The following DAB1 variants were observed in gnomAD, a reference collection of about 807,000 sequenced individuals.
DAB1 encodes DAB adaptor protein 1, also known as disabled homolog 1.
DAB1 carries 15 observed loss-of-function variants against 64.6 expected under a neutral mutation model. The ratio of observed to expected loss-of-function variants is 0.23; its 90% CI spans 0.16 to 0.36. The LOEUF (loss-of-function observed/expected upper bound fraction) is 0.36. DAB1 is among the 10% of genes least tolerant of loss of function. DAB1 has a pLI of 1.00. For synonymous variants in DAB1, 235 were observed against 251.9 expected (o/e 0.93, Z 0.64); for missense variants, 596 against 706.7 (o/e 0.84, Z 1.78).
intron 4 of DAB1, among the ~76,000 whole-genome samples, chr1:58,162,645 T>C (rs2100751769): frequency 6.6e-6 from 1 of 152,330 alleles, no homozygotes; most frequent in East Asian, 1.9e-4. Context: ...TGTTTTATTT[T>C]TCAATTATTC....
chr1:57,161,046 A>C (rs1569664043), intron 2 of DAB1, among the ~76,000 whole-genome samples: 1 of 152,274 alleles, frequency 6.6e-6, no homozygotes, highest in South Asian at 2.1e-4. Context: ...GTTCTGATTC[A>C]GAGGACATTC....
chr1:57,567,203 A>ATGTTG (rs1645133700), intron 7 of DAB1, among the ~76,000 whole-genome samples: 2 of 152,326 alleles, frequency 1.3e-5, no homozygotes, highest in Admixed American at 1.3e-4. Context: ...AGATGCAGAA[A>ATGTTG]AGGCCTTTGA....
At chr1:58,349,003 G>A (rs543050223) in intron 3 of DAB1, among the ~76,000 whole-genome samples, 1 of 152,308 alleles carries the variant, frequency 6.6e-6, no homozygotes, top group South Asian at 2.1e-4. Flanking sequence ...CTTTGAGAGA[G>A]AAGAGTGTCT....
intron 1 of DAB1, among the ~76,000 whole-genome samples, chr1:57,308,863 C>G (rs910170790): frequency 2.6e-5 from 4 of 152,132 alleles, no homozygotes; most frequent in African/African-American, 9.6e-5. Context: ...TGTAACCAAG[C>G]TAAGATCAAA....
chr1:57,137,381 T>C (rs976272829), intron 3 of DAB1, among the ~76,000 whole-genome samples: 1 of 152,212 alleles, frequency 6.6e-6, no homozygotes, highest in African/African-American at 2.4e-5. Context: ...CTTAGGACAG[T>C]CCGTGGAGGG....
intron 6 of DAB1, among the ~76,000 whole-genome samples, chr1:57,653,200 T>G (rs770453364): frequency 6.6e-6 from 1 of 152,190 alleles, no homozygotes; most frequent in African/African-American, 2.4e-5. Flanking sequence ...AACCCTCCCA[T>G]GAATTTCTTC....
intron 4 of DAB1, among the ~76,000 whole-genome samples, chr1:58,249,857 C>A (rs1465588801): frequency 6.6e-6 from 1 of 152,178 alleles, no homozygotes. Flanking sequence ...CGGCTCTGTG[C>A]GGCGGCCCTC....
intron 7 of DAB1, among the ~76,000 whole-genome samples, chr1:57,601,991 C>A (rs1028560382): frequency 2.0e-5 from 3 of 152,094 alleles, no homozygotes; most frequent in African/African-American, 7.2e-5. Context: ...TACAGAAATG[C>A]TCTGAGGTGT....
intron 7 of DAB1, among the ~76,000 whole-genome samples, chr1:57,446,127 G>A (rs1047566499): frequency 6.6e-6 from 1 of 152,072 alleles, no homozygotes; most frequent in African/African-American, 2.4e-5. Flanking sequence ...AATTTAATAA[G>A]CATTTATTCC....
intron 7 of DAB1, among the ~76,000 whole-genome samples, chr1:57,489,253 A>G (rs1644132122): frequency 6.6e-6 from 1 of 152,218 alleles, no homozygotes; most frequent in South Asian, 2.1e-4. Context: ...TGCAAAATAA[A>G]CAAAGAAACC....
chr1:57,125,376 A>G (rs1380259846), intron 4 of DAB1, among the ~76,000 whole-genome samples: 1 of 152,206 alleles, frequency 6.6e-6, no homozygotes, highest in African/African-American at 2.4e-5. Flanking sequence ...CTGTAATATT[A>G]GTGTAGTGCT....
At chr1:57,665,440 T>C (rs1248900851) in intron 6 of DAB1, among the ~76,000 whole-genome samples, 1 of 152,136 alleles carries the variant, frequency 6.6e-6, no homozygotes, top group Non-Finnish European at 1.5e-5. Flanking sequence ...ATAAGCAATG[T>C]GTATCAACAG....
intron 4 of DAB1, among the ~76,000 whole-genome samples, chr1:58,310,010 A>G (rs115490419): frequency 0.013 from 1,945 of 152,294 alleles, 46 homozygotes; most frequent in African/African-American, 0.041. Flanking sequence ...TTCAAAAATA[A>G]TGTGCTTTTT....
At chr1:58,131,717 G>A (rs1234699359) in intron 5 of DAB1, among the ~76,000 whole-genome samples, 278 of 142,530 alleles carry the variant, frequency 2.0e-3, no homozygotes, top group Non-Finnish European at 3.4e-3. Flanking sequence ...GTACCCTGCC[G>A]TGTGAGGTGT....
intron 3 of DAB1, among the ~76,000 whole-genome samples, chr1:58,375,325 G>A (rs1644313135): frequency 7.1e-6 from 1 of 140,946 alleles, no homozygotes. Flanking sequence ...GTTTGTCATA[G>A]ATAGCTCTTA....
chr1:57,538,383 G>A (rs1418819812), intron 7 of DAB1, among the ~76,000 whole-genome samples: 1 of 152,014 alleles, frequency 6.6e-6, no homozygotes, highest in African/African-American at 2.4e-5. Context: ...ATCCTGTAAG[G>A]CCTTCTACTT....
intron 1 of DAB1, among the ~76,000 whole-genome samples, chr1:57,384,736 G>A (rs1681666144): frequency 1.3e-5 from 2 of 152,078 alleles, no homozygotes; most frequent in African/African-American, 4.8e-5. Context: ...GAGGTGGAGG[G>A]AAAAATGGGG....
intron 11 of DAB1, among the ~76,000 whole-genome samples, chr1:57,021,892 T>C (rs12144161): frequency 0.16 from 24,186 of 152,014 alleles, 2,595 homozygotes; most frequent in East Asian, 0.33. Context: ...TCCTGTCACA[T>C]GTCACCTAGG....
intron 4 of DAB1, among the ~76,000 whole-genome samples, chr1:57,128,636 G>A (rs1368099427): frequency 1.3e-5 from 2 of 152,064 alleles, no homozygotes; most frequent in Non-Finnish European, 2.9e-5. Context: ...GGAAACAGGG[G>A]CCCGTACAGC....
Sources: gnomAD v4.1 joint callset for allele counts (sites outside exome capture counted in the v4.1 genomes callset) on GRCh38, gnomAD v4.1.1 for gene constraint, MANE v1.5 for transcripts, NCBI Gene and HGNC (gene_info 2026-07-23, HGNC 2026-07-21) for gene names.